Variants in ACSBG1 observed in about 807,000 individuals in gnomAD.
ACSBG1 encodes the protein long-chain-fatty-acid--CoA ligase ACSBG1.
ACSBG1 carries 39 observed loss-of-function variants against 80.2 expected under a neutral mutation model. That is an observed-to-expected ratio of 0.49 (90% CI 0.38 to 0.64). The LOEUF is 0.64. ACSBG1 is among the 30% of genes least tolerant of loss of function. The pLI, the probability that ACSBG1 is intolerant of heterozygous loss-of-function variation, is 0.00. For missense variants in ACSBG1, 828 were observed against 966.4 expected (o/e 0.86, Z 1.90); for synonymous variants, 392 against 379.5 (o/e 1.03, Z -0.38).
intron 2 of ACSBG1, among the ~76,000 whole-genome samples, chr15:78,199,634 A>G (rs1595892137): frequency 6.6e-6 from 1 of 151,532 alleles, no homozygotes; most frequent in African/African-American, 2.4e-5. Flanking sequence ...AACGGGGACC[A>G]CAGGTGCATG....
At chr15:78,179,001 A>G in intron 10 of ACSBG1, 170 bp from the exon 11 acceptor site, 1 of 653,074 alleles carries the variant, frequency 1.5e-6, no homozygotes, top group Middle Eastern at 4.2e-4. Flanking sequence ...GAGCCAAGTA[A>G]AGGGTTTTAG....
rs1438124327 is a variant in ACSBG1 at position 78,170,469 on chromosome 15, T to G, written c.*975A>C. On this transcript the variant is annotated 3_prime_UTR_variant, in exon 14 of 14. Coordinates refer to ENST00000258873, the MANE Select transcript of ACSBG1 (RefSeq NM_015162.5). ...TATTTTCCTTTGTTTAAGCTGCTGC[T>G]TCCTCTGTTTCATTGGATTGTGCCA... is the stretch of plus-strand genomic sequence containing the variant. The G allele has an allele frequency of 6.6e-6, 1 of 152,204 alleles. No homozygotes were observed. The highest frequency in any genetic ancestry group is 2.4e-5 in the African/African-American group (1 of 41,446). 9.4% of individuals were successfully genotyped at this position (152,204 alleles called of 1,614,324 possible). A position where few individuals can be genotyped will look rare whatever the true frequency, so the allele number is the denominator to read the frequency against.
chr15:78,182,598 C>A lies in ACSBG1; in HGVS notation c.762G>T (p.Glu254Asp). The A allele has an allele frequency of 1.2e-6, 2 of 1,614,126 alleles. No homozygotes were observed. Among genetic ancestry groups the A allele is most frequent in the Non-Finnish European group, 1.7e-6 (2 of 1,179,974 alleles). Reference protein sequence around the residue: ...ANVYTMEEFMELGNEVPEEAL... With the variant: ...ANVYTMEEFMDLGNEVPEEAL... ...CTTCCTCAGGCACTTCATTCCCCAG[C>A]TCCATGAATTCCTCCATCTGTAGCC... Residue 254 changes from glutamate (E) to aspartate (D), a missense_variant, in exon 7 of 14, where the codon GAG becomes GAT. By Grantham distance (45) the Glu-to-Asp change is conservative (BLOSUM62 2). Around this residue, in one of 3 missense-constraint regions of ACSBG1, gnomAD observed 356 missense variants for 363.5 expected, o/e 0.98. Coordinates refer to ENST00000258873, the MANE Select transcript of ACSBG1 (RefSeq NM_015162.5).
chr15:78,189,729 G>A (rs965274790), intron 5 of ACSBG1, among the ~76,000 whole-genome samples: 5 of 151,826 alleles, frequency 3.3e-5, no homozygotes, highest in East Asian at 1.9e-4. Flanking sequence ...GCTAAATGAC[G>A]AGTTAATGGG....
chr15:78,223,533 G>A (rs2075376145), intron 1 of ACSBG1, among the ~76,000 whole-genome samples: 1 of 152,112 alleles, frequency 6.6e-6, no homozygotes, highest in Admixed American at 6.5e-5. Flanking sequence ...TGATAAAGAA[G>A]ACTTTGACAA....
Position 78,174,372 on chromosome 15 carries a change from C to T in ACSBG1, c.1842+13G>A. 6.2e-7 allele frequency: 1 copy of T among 1,614,100 alleles called. No individual in the cohort carries two copies. Among genetic ancestry groups the T allele is most frequent in the South Asian group, 1.1e-5 (1 of 91,070 alleles). On this transcript the variant is annotated intron_variant, in intron 12 of 13. Coordinates refer to ENST00000258873, the MANE Select transcript of ACSBG1 (RefSeq NM_015162.5). ...CTGGCTGCTCCTTCTGAGCTGGAGC[C>T]CCCCAGACACACCTTCAAGGTGAGC...
chr15:78,199,176 C>G (rs957871141), intron 2 of ACSBG1, among the ~76,000 whole-genome samples: 11 of 151,822 alleles, frequency 7.2e-5, no homozygotes, highest in African/African-American at 2.7e-4. Context: ...TCACCCAGGG[C>G]TCAAAAGATC....
chr15:78,227,473 T>C (rs2075414246), intron 1 of ACSBG1, among the ~76,000 whole-genome samples: 1 of 152,100 alleles, frequency 6.6e-6, no homozygotes, highest in Non-Finnish European at 1.5e-5. Flanking sequence ...TCATTGATCA[T>C]CAGGGAAATT....
At position 78,178,726 on chromosome 15, in the gene ACSBG1, C is replaced by G. The variant is rs564683217; in HGVS notation, c.1590G>C (p.Leu530=). The part of the protein sequence containing the change: ...LWGRTIFMGY[L]NMEDKTCEAI... ...CCTCACAAGTCTTGTCCTCCATGTT[C>G]AGGTAGCCCATGAATATGGTGCGGC... The change falls in exon 11 of 14, where the codon CTG becomes CTC. Residue 530 remains leucine (L), a synonymous_variant. Transcript: ENST00000258873. The surrounding 1 kb of genome is among the most constrained non-coding windows in gnomAD (Gnocchi z 4.3). 21 of 1,614,184 alleles carry G rather than the reference C, an allele frequency of 1.3e-5. 1 individual carries two copies. In the South Asian group the frequency reaches 2.0e-4, roughly 15 times the overall value.
At chr15:78,226,603 T>G in intron 1 of ACSBG1, 1 of 198,524 alleles carries the variant, frequency 5.0e-6, no homozygotes, top group South Asian at 7.0e-5. Context: ...CAAGACTCCA[T>G]CTCTACAAAA....
Position 78,178,610 on chromosome 15 carries a change from T to A in ACSBG1, c.1702+4A>T. 6.2e-7 allele frequency: 1 copy of A among 1,604,638 alleles called. No individual in the cohort carries two copies. Among genetic ancestry groups the A allele is most frequent in the African/African-American group, 1.3e-5 (1 of 74,938 alleles). ...AGCCACCGTGCCTGGCCTGGGGTGC[T>A]CACCTTTGAGGCGCCCAGTGATGTA... is the stretch of plus-strand genomic sequence containing the variant. On this transcript the variant is annotated splice_donor_region_variant and intron_variant, in intron 11 of 13. Transcript: ENST00000258873. The surrounding 1 kb of genome is among the most constrained non-coding windows in gnomAD (Gnocchi z 4.3).
intron 1 of ACSBG1, among the ~76,000 whole-genome samples, chr15:78,220,710 T>C (rs558947501): frequency 6.6e-6 from 1 of 152,258 alleles, no homozygotes; most frequent in South Asian, 2.1e-4. Context: ...AACAAGCACA[T>C]TAAAAAATGC....
At position 78,193,974 on chromosome 15, in the gene ACSBG1, G is replaced by T. The variant is rs149713495; in HGVS notation, c.500C>A (p.Ser167Tyr). The T allele has an allele frequency of 1.9e-6, 3 of 1,614,058 alleles. No homozygotes were observed. Residue 167 changes from serine (S) to tyrosine (Y), a missense_variant, in exon 4 of 14, where the codon TCC becomes TAC. This residue lies in a region of ACSBG1 where 356 missense variants were observed against 363.5 expected (regional missense o/e 0.98). Coordinates refer to ENST00000258873, the MANE Select transcript of ACSBG1 (RefSeq NM_015162.5). ...CACTGCCGAGAAGAACCACTCCGGG[G>T]AGTTGAAGCCGAGGATGGCCACACT... ...AHSVAILGFN[S>Y]PEWFFSAVGT...
intron 1 of ACSBG1, among the ~76,000 whole-genome samples, chr15:78,219,296 T>C (rs1021939187): frequency 6.6e-6 from 1 of 151,634 alleles, no homozygotes; most frequent in African/African-American, 2.4e-5. Context: ...TGATCCCAGC[T>C]ACTTGGGAGG....
chr15:78,181,199 G>GA, intron 8 of ACSBG1: 1 of 454,788 alleles, frequency 2.2e-6, no homozygotes, highest in Admixed American at 3.7e-5. Context: ...CTCTCCATGA[G>GA]TCTAACTTAG....
intron 2 of ACSBG1, among the ~76,000 whole-genome samples, chr15:78,197,895 G>A (rs917646393): frequency 6.6e-6 from 1 of 151,966 alleles, no homozygotes; most frequent in Non-Finnish European, 1.5e-5. Context: ...CTACAGAAAA[G>A]GTGACTTTCT....
At chr15:78,174,244 T>A in intron 12 of ACSBG1, 141 bp downstream of exon 12, 1 of 1,171,042 alleles carries the variant, frequency 8.5e-7, no homozygotes, top group Non-Finnish European at 1.2e-6. Flanking sequence ...TTTCCTACAG[T>A]GCAGGCAGCA....
Position 78,169,003 on chromosome 15 carries a change from T to G in ACSBG1, c.*2441A>C. On this transcript the variant is annotated 3_prime_UTR_variant, in exon 14 of 14. Coordinates refer to ENST00000258873, the MANE Select transcript of ACSBG1 (RefSeq NM_015162.5). ...CTGTCGCCGAGTAAAAGATTTAGAT[T>G]AACACTTCTACAACTGGCATTTACA... 6.3e-7 allele frequency: 1 copy of G among 1,587,306 alleles called. No individual in the cohort carries two copies. The highest frequency in any genetic ancestry group is 8.6e-7 in the Non-Finnish European group (1 of 1,157,330).
intron 1 of ACSBG1, among the ~76,000 whole-genome samples, chr15:78,230,914 A>G (rs2075441112): frequency 6.6e-6 from 1 of 152,200 alleles, no homozygotes; most frequent in Non-Finnish European, 1.5e-5. Context: ...GGCCCAGAGG[A>G]GCAGAGAAGC....
Sources: allele counts gnomAD v4.1 joint callset (sites outside exome capture counted in the v4.1 genomes callset), GRCh38; gene constraint gnomAD v4.1.1; regional missense constraint gnomAD v4.1.1; non-coding constraint Gnocchi (gnomAD v3.1); transcripts MANE v1.5; gene names NCBI Gene and HGNC (gene_info 2026-07-23, HGNC 2026-07-21).